Variants in EPC1 observed in about 807,000 individuals in gnomAD.
EPC1 encodes the protein enhancer of polycomb homolog 1.
In EPC1, 12 loss-of-function variants were observed where a neutral mutation model predicts 98.4. The observed-to-expected ratio is 0.12, with a 90% CI of 0.08 to 0.20. The LOEUF (loss-of-function observed/expected upper bound fraction) is 0.20. Ranked by LOEUF, EPC1 falls within the 10% of genes least tolerant of loss-of-function variation. The pLI is 1.00. For missense variants in EPC1, 729 were observed against 990.5 expected (o/e 0.74, Z 3.54); for synonymous variants, 357 against 363.9 (o/e 0.98, Z 0.21).
At chr10:32,304,413 C>T (rs1380906866) in intron 2 of EPC1, among the ~76,000 whole-genome samples, 1 of 152,192 alleles carries the variant, frequency 6.6e-6, no homozygotes, top group African/African-American at 2.4e-5. Flanking sequence ...TTCAAATCCA[C>T]CTTGGCATGA....
At chr10:32,358,620 G>A (rs1270603828) in intron 1 of EPC1, among the ~76,000 whole-genome samples, 1 of 147,718 alleles carries the variant, frequency 6.8e-6, no homozygotes, top group African/African-American at 2.5e-5. Context: ...ACTCCAGCCT[G>A]GGGAACGGAG....
intron 1 of EPC1, among the ~76,000 whole-genome samples, chr10:32,372,203 A>C (rs577536998): frequency 6.6e-6 from 1 of 152,266 alleles, no homozygotes; most frequent in Admixed American, 6.5e-5. Context: ...AGGCCAGCTG[A>C]ACCTGTAACT....
rs1554819136 is a variant in EPC1, at chr10:32,290,505, A to AAAAAAAAAAAGAAAGAAAG, written c.975+657_975+658insCTTTCTTTCTTTTTTTTTT. ...TGTCAAAAAAAAAAAAAAAAAAAAAAAAAGAAAGAAAGAAAAACTCATCTG... is the reference window on the plus strand; with the variant it reads ...TGTCAAAAAAAAAAAAAAAAAAAAAAAAAAAAAAAAGAAAGAAAGAAAGAAAGAAAGAAAAACTCATCTG... On this transcript the variant is annotated intron_variant, in intron 6 of 13. Transcript: ENST00000319778. Among the ~76,000 whole-genome samples the AAAAAAAAAAAGAAAGAAAG allele has an allele frequency of 2.6e-4, 20 of 77,522 alleles. 3 individuals carry two copies. The highest frequency in any genetic ancestry group is 3.9e-4 in the African/African-American group (7 of 18,092). The allele number at this position is 77,522 out of a possible 152,430, so 50.9% of individuals were successfully genotyped here.
Position 32,366,687 on chromosome 10 carries a change from A to G in EPC1, c.3+11804T>C, listed in dbSNP as rs1839613053. Reference sequence around the variant, plus strand: ...TGTAAAGAGGTATATATAAAAAAGCAAAATGACAGAACAAAAAGCAGCACA... The same window carrying G: ...TGTAAAGAGGTATATATAAAAAAGCGAAATGACAGAACAAAAAGCAGCACA... On this transcript the variant is annotated intron_variant, in intron 1 of 13. Transcript: ENST00000375110. Among the ~76,000 whole-genome samples the G allele has an allele frequency of 3.1e-5, 3 of 96,332 alleles. No individual in the cohort carries two copies. The South Asian group carries it at 9.6e-4, about 31-fold the overall frequency. The allele number at this position is 96,332 out of a possible 152,430, so 63.2% of individuals were successfully genotyped here.
chr10:32,374,813 G>A (rs192374263), intron 1 of EPC1, among the ~76,000 whole-genome samples: 26 of 152,020 alleles, frequency 1.7e-4, no homozygotes, highest in African/African-American at 6.3e-4. Flanking sequence ...GCTTAATATT[G>A]CATCATAGCA....
intron 1 of EPC1, among the ~76,000 whole-genome samples, chr10:32,331,328 G>T (rs1837627415): frequency 6.6e-6 from 1 of 150,876 alleles, no homozygotes; most frequent in Non-Finnish European, 1.5e-5. Context: ...CTCCAGCCTG[G>T]GCAAAAACAG....
chr10:32,364,813 T>C (rs1839550730), intron 1 of EPC1, among the ~76,000 whole-genome samples: 1 of 152,164 alleles, frequency 6.6e-6, no homozygotes, highest in Non-Finnish European at 1.5e-5. Flanking sequence ...TTCCAACCTG[T>C]GGCCTGTGGG....
intron 10 of EPC1, among the ~76,000 whole-genome samples, chr10:32,278,538 C>T (rs556944658): frequency 4.1e-5 from 6 of 147,048 alleles, no homozygotes; most frequent in East Asian, 2.0e-4. Flanking sequence ...CCCGCCACTA[C>T]GCCCGTCTAA....
At chr10:32,350,293 T>C (rs74128094), upstream of EPC1, among the ~76,000 whole-genome samples, 5,162 of 152,270 alleles carry the variant, frequency 0.034, 280 homozygotes, top group African/African-American at 0.12. Context: ...AAAACACTGG[T>C]AAATGGATAC....
chr10:32,346,674 A>C (rs1838845652), intron 1 of EPC1, 89 bp downstream of exon 1: 1 of 1,300,964 alleles, frequency 7.7e-7, no homozygotes, highest in Admixed American at 1.9e-5. Context: ...GATGGCGGCC[A>C]TTTTGTGTGG....
At chr10:32,339,661 T>C (rs764440175) in intron 1 of EPC1, among the ~76,000 whole-genome samples, 2 of 152,286 alleles carry the variant, frequency 1.3e-5, no homozygotes, top group Non-Finnish European at 2.9e-5. Context: ...CAATCCCAAA[T>C]ACAAAATATA....
At chr10:32,286,563 T>C in intron 9 of EPC1, 131 bp downstream of exon 9, 8 of 1,071,190 alleles carry the variant, frequency 7.5e-6, no homozygotes, top group Non-Finnish European at 1.1e-5. Flanking sequence ...AATATTTTAG[T>C]CAACAGATCA....
rs1251911180 is a variant in EPC1 at position 32,285,009 on chromosome 10, A to C, written c.1433T>G (p.Phe478Cys). The change falls in exon 10 of 14, where the codon TTT (phenylalanine) becomes TGT (cysteine). Residue 478 changes from phenylalanine (F) to cysteine (C), a missense_variant. Transcript: ENST00000319778. The stretch of plus-strand genomic sequence containing the variant: ...AAGCATTTCCAAATCCAGATGGTGA[A>C]ACACACTGTCATAGTCTGAATGAGC... ...DRAHSDYDSV[F>C]HHLDLEMLSS... 19 of 1,614,116 alleles carry C rather than the reference A, an allele frequency of 1.2e-5. No homozygotes were observed. The highest frequency in any genetic ancestry group is 1.4e-5 in the Non-Finnish European group (17 of 1,180,044).
Position 32,347,083 on chromosome 10 carries a change from G to A in EPC1, c.-168C>T, listed in dbSNP as rs1406083224. 1 of 1,445,740 alleles carries A rather than the reference G, an allele frequency of 6.9e-7. No individual in the cohort carries two copies. The highest frequency in any genetic ancestry group is 9.0e-7 in the Non-Finnish European group (1 of 1,106,016). The allele number at this position is 1,445,740 out of a possible 1,614,324, so 89.6% of individuals were successfully genotyped here. A position where few individuals can be genotyped will look rare whatever the true frequency, so the allele number is the denominator to read the frequency against. ...ACACCAGCCGGGAGGGTGGGAGGCT[G>A]TGCCGCTCCGCTCCTCTCTCGCTCG... On this transcript the variant is annotated 5_prime_UTR_variant, in exon 1 of 14. Transcript: ENST00000319778.
At chr10:32,309,689 C>CA (rs889178208) in intron 1 of EPC1, among the ~76,000 whole-genome samples, 15 of 145,762 alleles carry the variant, frequency 1.0e-4, no homozygotes, top group Middle Eastern at 3.5e-3. Flanking sequence ...CACCCTGTCT[C>CA]AAAAAAAATA....
intron 1 of EPC1, among the ~76,000 whole-genome samples, chr10:32,372,643 T>C (rs1839781982): frequency 6.6e-6 from 1 of 152,234 alleles, no homozygotes; most frequent in Admixed American, 6.5e-5. Context: ...AGAAGGCCGA[T>C]TACTCATTCT....
At chr10:32,296,451 A>G (rs1400683094) in intron 2 of EPC1, among the ~76,000 whole-genome samples, 1 of 152,198 alleles carries the variant, frequency 6.6e-6, no homozygotes, top group Non-Finnish European at 1.5e-5. Context: ...ATGGCAAGTC[A>G]CACCCAACAT....
chr10:32,286,462 C>T (rs1836683531), intron 9 of EPC1: 1 of 503,028 alleles, frequency 2.0e-6, no homozygotes. Context: ...TGAGGTTTTC[C>T]ACCTTGGGGA....
intron 1 of EPC1, among the ~76,000 whole-genome samples, chr10:32,370,389 A>G (rs887932985): frequency 2.6e-5 from 4 of 152,182 alleles, no homozygotes; most frequent in Admixed American, 6.5e-5. Context: ...GGTTGCTTCA[A>G]TAGCCGTAAG....
Sources: allele counts gnomAD v4.1 joint callset (sites outside exome capture counted in the v4.1 genomes callset), GRCh38; gene constraint gnomAD v4.1.1; transcripts MANE v1.5; gene names NCBI Gene and HGNC (gene_info 2026-07-23, HGNC 2026-07-21).